KRT20: variants seen among roughly 807,000 people sequenced by gnomAD.
KRT20 encodes the protein keratin 20.
KRT20 carries 41 observed loss-of-function variants against 43.0 expected under a neutral mutation model. The observed-to-expected ratio is 0.95, with a 90% CI of 0.74 to 1.24. The LOEUF is 1.24. Among genes scored for constraint, KRT20 ranks in the 50% most tolerant of loss-of-function variants. KRT20 has a pLI of 0.00. For missense variants in KRT20, 533 were observed against 521.2 expected (o/e 1.02, Z -0.22); for synonymous variants, 207 against 200.6 (o/e 1.03, Z -0.27).
chr17:40,876,399 C>T lies in KRT20; in HGVS notation c.1237G>A (p.Val413Met), dbSNP rs113823624. The change falls in exon 8 of 8, where the codon GTG becomes ATG. Residue 413 changes from valine (V) to methionine (M), a missense_variant. Val to Met is a conservative substitution (Grantham distance 21). Coordinates refer to ENST00000167588, the MANE Select transcript of KRT20 (RefSeq NM_019010.3). Reference sequence around the variant, plus strand: ...TCCACCTCTTTGACTTCAGATGACACGACCTTGCCATCCACTACTTCTTGC... The same window carrying T: ...TCCACCTCTTTGACTTCAGATGACATGACCTTGCCATCCACTACTTCTTGC... ...VVQEVVDGKV[V>M]SSEVKEVEEN... The T allele has an allele frequency of 1.5e-3, 2,436 of 1,613,098 alleles. 1 individual carries two copies. The highest frequency in any genetic ancestry group is 1.9e-3 in the Non-Finnish European group (2,221 of 1,179,162).
chr17:40,880,300 C>G, intron 3 of KRT20, 39 bp from the exon 4 acceptor site: 1 of 1,558,022 alleles, frequency 6.4e-7, no homozygotes, highest in Non-Finnish European at 8.7e-7. Flanking sequence ...TAGTCTGAAG[C>G]ACATTCTCAG....
intron 2 of KRT20, chr17:40,882,331 C>T (rs1367514446): frequency 4.2e-6 from 1 of 235,308 alleles, no homozygotes; most frequent in African/African-American, 2.3e-5. Context: ...CCAGTAATAA[C>T]CAAGGAGAAT....
chr17:40,876,276 A>T lies in KRT20; in HGVS notation c.*85T>A. On this transcript the variant is annotated 3_prime_UTR_variant, in exon 8 of 8. Transcript: ENST00000167588. ...TGCAGAGTATTAATAGTGCTTTCTT[A>T]TGGCTGATTTCTTGCAGGGAGCAAA... is the stretch of plus-strand genomic sequence containing the variant. The T allele has an allele frequency of 1.1e-6, 1 of 869,572 alleles. No individual in the cohort carries two copies. The highest frequency in any genetic ancestry group is 2.0e-6 in the Non-Finnish European group (1 of 509,904). The allele number at this position is 869,572 out of a possible 1,614,324, so 53.9% of individuals were successfully genotyped here.
intron 2 of KRT20, among the ~76,000 whole-genome samples, chr17:40,882,232 G>A (rs772766124): frequency 7.2e-5 from 11 of 152,168 alleles, no homozygotes; most frequent in Admixed American, 1.3e-4. Context: ...AAGGCACTTA[G>A]GGAGAAGGAG....
rs34632722 is a variant in KRT20 at position 40,881,227 on chromosome 17, C to CTGTGTGTGTG, written c.474-467_474-458dup. Among the ~76,000 whole-genome samples, 1,307 of 145,734 alleles carry CTGTGTGTGTG rather than the reference C, an allele frequency of 9.0e-3. 14 individuals are homozygous for CTGTGTGTGTG. Among genetic ancestry groups the CTGTGTGTGTG allele is most frequent in the African/African-American group, 0.031 (1,233 of 39,246 alleles). On this transcript the variant is annotated intron_variant, in intron 2 of 7. Coordinates refer to ENST00000167588, the MANE Select transcript of KRT20 (RefSeq NM_019010.3). ...CCTCCTCTACAATCTTACATACACA[C>CTGTGTGTGTG]TGTGTGTGTGTGTGTGTGTGTGTGT...
In KRT20 at chr17:40,880,060, C is replaced by T. The variant is rs763108419; in HGVS notation, c.792+40G>A. ...TGAGTTATCTGTTTCTGGAGGAAAG[C>T]ATCTACACGTTTGCTCACCCTTTAG... On this transcript the variant is annotated intron_variant, in intron 4 of 7. Transcript: ENST00000167588. The T allele has an allele frequency of 6.9e-6, 11 of 1,597,640 alleles. 1 individual carries two copies. In the Middle Eastern group the frequency reaches 1.2e-3, roughly 169 times the overall value.
At chr17:40,883,997 G>C (rs1907704917) in intron 1 of KRT20, among the ~76,000 whole-genome samples, 1 of 152,198 alleles carries the variant, frequency 6.6e-6, no homozygotes, top group South Asian at 2.1e-4. Context: ...ACAAATTACA[G>C]TGAACACTTT....
chr17:40,876,302 G>T lies in KRT20; in HGVS notation c.*59C>A. ...TGGCTGATTTCTTGCAGGGAGCAAA[G>T]ATAAGATTATAGCCAAATTTCTTTC... On this transcript the variant is annotated 3_prime_UTR_variant, in exon 8 of 8. Transcript: ENST00000167588. The T allele has an allele frequency of 9.0e-7, 1 of 1,111,106 alleles. No homozygotes were observed. The highest frequency in any genetic ancestry group is 2.0e-4 in the Middle Eastern group (1 of 5,048). 68.8% of individuals were successfully genotyped at this position (1,111,106 alleles called of 1,614,324 possible).
chr17:40,882,943 C>T, intron 1 of KRT20, among the ~76,000 whole-genome samples: 1 of 152,100 alleles, frequency 6.6e-6, no homozygotes. Context: ...GTTCTGACCT[C>T]AGGTGATCTG....
chr17:40,880,284 T>C, intron 3 of KRT20, 23 bp from the exon 4 acceptor site: 2 of 1,583,304 alleles, frequency 1.3e-6, no homozygotes, highest in Non-Finnish European at 1.7e-6. Flanking sequence ...AATTTCTGAT[T>C]GATTTTAGTC....
intron 2 of KRT20, among the ~76,000 whole-genome samples, chr17:40,881,412 C>A (rs1211608396): frequency 1.3e-5 from 2 of 152,084 alleles, no homozygotes; most frequent in African/African-American, 2.4e-5. Flanking sequence ...CCATGCCCAG[C>A]TAATTTTTTT....
intron 6 of KRT20, 39 bp downstream of exon 6, chr17:40,878,106 C>T: frequency 6.6e-7 from 1 of 1,504,212 alleles, no homozygotes; most frequent in East Asian, 2.3e-5. Context: ...GAAGTGCATA[C>T]AGATATTGAC....
Position 40,878,265 on chromosome 17 carries a change from A to G in KRT20, c.1019T>C (p.Met340Thr). Residue 340 changes from methionine to threonine, a missense_variant, in exon 6 of 8, where the codon ATG becomes ACG. Met to Thr is a moderately conservative substitution (Grantham distance 81, BLOSUM62 -1). Coordinates refer to ENST00000167588, the MANE Select transcript of KRT20 (RefSeq NM_019010.3). The stretch of plus-strand genomic sequence containing the variant: ...GCGTTCCATGTTACTCCGAATCTGC[A>G]TCAGTTGGGCCTCCAGAGAGCTCAA... ...SLLSSLEAQL[M>T]QIRSNMERQN... The G allele has an allele frequency of 6.2e-7, 1 of 1,614,166 alleles. No homozygotes were observed.
intron 2 of KRT20, among the ~76,000 whole-genome samples, chr17:40,881,293 G>A (rs1409115415): frequency 3.3e-5 from 5 of 151,360 alleles, no homozygotes; most frequent in Non-Finnish European, 5.9e-5. Context: ...CTGTCACTCA[G>A]GCTGGAGTAC....
chr17:40,880,604 A>T lies in KRT20; in HGVS notation c.630+10T>A. Reference sequence around the variant, plus strand: ...ATTGTTTCCAATACCACTTCTGAATATTTTCTCACCTCCTGATGCTCCTTT... The same window carrying T: ...ATTGTTTCCAATACCACTTCTGAATTTTTTCTCACCTCCTGATGCTCCTTT... On this transcript the variant is annotated intron_variant, in intron 3 of 7. Transcript: ENST00000167588. 6.2e-7 allele frequency: 1 copy of T among 1,610,522 alleles called. No homozygotes were observed. The highest frequency in any genetic ancestry group is 8.5e-7 in the Non-Finnish European group (1 of 1,178,144).
intron 2 of KRT20, 67 bp from the exon 3 acceptor site, chr17:40,880,837 A>G (rs1907565176): frequency 2.4e-5 from 30 of 1,253,964 alleles, no homozygotes; most frequent in Admixed American, 1.3e-4. Flanking sequence ...AGAATCTAAT[A>G]TAATGGGATA....
chr17:40,876,963 A>C (rs935640459), intron 7 of KRT20, among the ~76,000 whole-genome samples: 3 of 152,118 alleles, frequency 2.0e-5, no homozygotes, highest in Non-Finnish European at 4.4e-5. Flanking sequence ...CAGTGTTGGG[A>C]GGTGCGGCCT....
chr17:40,880,299 G>A (rs1597851704), intron 3 of KRT20, 38 bp from the exon 4 acceptor site: 2 of 1,559,728 alleles, frequency 1.3e-6, no homozygotes, highest in Non-Finnish European at 1.7e-6. Flanking sequence ...TTAGTCTGAA[G>A]CACATTCTCA....
chr17:40,883,886 T>C (rs948669971), intron 1 of KRT20, among the ~76,000 whole-genome samples: 16 of 152,348 alleles, frequency 1.1e-4, no homozygotes, highest in Non-Finnish European at 1.8e-4. Flanking sequence ...TAACTTCCCA[T>C]GGAGTCCGAA....
Sources: gnomAD v4.1 joint callset for allele counts (sites outside exome capture counted in the v4.1 genomes callset) on GRCh38, gnomAD v4.1.1 for gene constraint, MANE v1.5 for transcripts, NCBI Gene and HGNC (gene_info 2026-07-23, HGNC 2026-07-21) for gene names.